Variants in LURAP1L observed in about 807,000 individuals in gnomAD.
The protein encoded by LURAP1L is leucine rich adaptor protein 1 like.
A neutral mutation model predicts 13.8 loss-of-function variants in LURAP1L; 12 were observed. The ratio of observed to expected loss-of-function variants is 0.87; its 90% CI spans 0.56 to 1.41. The LOEUF is 1.41. Ranked by LOEUF, LURAP1L falls within the 40% of genes most tolerant of loss-of-function variation. The pLI, the probability that LURAP1L is intolerant of heterozygous loss-of-function variation, is 0.00. For missense variants in LURAP1L, 375 were observed against 292.9 expected (o/e 1.28, Z -2.04); for synonymous variants, 139 against 119.2 (o/e 1.17, Z -1.08).
chr9:12,810,798 C>G (rs963120485), intron 1 of LURAP1L, among the ~76,000 whole-genome samples: 1 of 152,154 alleles, frequency 6.6e-6, no homozygotes. Context: ...TCACCACTTA[C>G]AGCTAGTGAA....
At chr9:12,780,066 G>C (rs1032293103) in intron 1 of LURAP1L, among the ~76,000 whole-genome samples, 1 of 152,206 alleles carries the variant, frequency 6.6e-6, no homozygotes, top group African/African-American at 2.4e-5. Context: ...TAATATTCAT[G>C]ATGTAGGAGT....
intron 1 of LURAP1L, among the ~76,000 whole-genome samples, chr9:12,811,848 C>T (rs745552223): frequency 3.3e-5 from 5 of 152,162 alleles, no homozygotes; most frequent in Non-Finnish European, 5.9e-5. Context: ...GCCCCTGGAT[C>T]GGGGTCTCTC....
At position 12,821,774 on chromosome 9, in the gene LURAP1L, C is replaced by A. The variant is rs777240643; in HGVS notation, c.*14C>A. 68 of 1,604,682 alleles carry A rather than the reference C, an allele frequency of 4.2e-5. No homozygotes were observed. On this transcript the variant is annotated 3_prime_UTR_variant, in exon 2 of 2. Coordinates refer to ENST00000319264, the MANE Select transcript of LURAP1L (RefSeq NM_203403.2). ...TGCTTTGGCTAGTGACAGTTTTTTG[C>A]ATGGGACTGGTGTGCAATGAACTTG...
At position 12,786,547 on chromosome 9, in the gene LURAP1L, CATATATATATATATATATAT is replaced by C. The variant is rs67654649; in HGVS notation, c.312+10536_312+10555del. On this transcript the variant is annotated intron_variant, in intron 1 of 1. Transcript: ENST00000319264. ...AAATGGCTAACATGTATATATATGA[CATATATATATATATATATAT>C]ATATATATATATATAAACCCTTGTG... Among the ~76,000 whole-genome samples the C allele has an allele frequency of 1.7e-3, 91 of 53,032 alleles. 4 individuals carry two copies. Among genetic ancestry groups the C allele is most frequent in the African/African-American group, 3.4e-3 (41 of 12,208 alleles). The allele number at this position is 53,032 out of a possible 152,430, so 34.8% of individuals were successfully genotyped here. A position where few individuals can be genotyped will look rare whatever the true frequency, so the allele number is the denominator to read the frequency against.
intron 1 of LURAP1L, among the ~76,000 whole-genome samples, chr9:12,815,829 AT>A (rs1819797710): frequency 6.6e-6 from 1 of 152,192 alleles, no homozygotes; most frequent in African/African-American, 2.4e-5. Context: ...ATTAAAGATG[AT>A]ATGCACGTTT....
chr9:12,800,147 G>T (rs1819564500), intron 1 of LURAP1L, among the ~76,000 whole-genome samples: 1 of 152,138 alleles, frequency 6.6e-6, no homozygotes, highest in Admixed American at 6.5e-5. Flanking sequence ...ATCCAACAGA[G>T]CTGCAACTTT....
At chr9:12,812,246 G>A (rs1819746778) in intron 1 of LURAP1L, among the ~76,000 whole-genome samples, 1 of 152,162 alleles carries the variant, frequency 6.6e-6, no homozygotes, top group African/African-American at 2.4e-5. Context: ...GTTATTGGGA[G>A]ATATCTTTGA....
At chr9:12,780,621 A>C (rs1451969961) in intron 1 of LURAP1L, among the ~76,000 whole-genome samples, 2 of 152,136 alleles carry the variant, frequency 1.3e-5, no homozygotes, top group Non-Finnish European at 2.9e-5. Context: ...ATCCCAAACT[A>C]TACTATATAC....
chr9:12,791,183 G>T (rs1819435884), intron 1 of LURAP1L, among the ~76,000 whole-genome samples: 1 of 152,160 alleles, frequency 6.6e-6, no homozygotes, highest in African/African-American at 2.4e-5. Context: ...GGAAGAGTAG[G>T]TTTCTTGAGT....
At chr9:12,793,139 T>C (rs1445365784) in intron 1 of LURAP1L, among the ~76,000 whole-genome samples, 1 of 152,008 alleles carries the variant, frequency 6.6e-6, no homozygotes, top group Non-Finnish European at 1.5e-5. Context: ...AAGTAGATCT[T>C]GAAATTTCCC....
intron 1 of LURAP1L, among the ~76,000 whole-genome samples, chr9:12,812,213 G>A (rs1819746195): frequency 6.6e-6 from 1 of 152,196 alleles, no homozygotes; most frequent in East Asian, 1.9e-4. Context: ...ACTACGTAAG[G>A]ATGTAGATAC....
chr9:12,815,620 C>G (rs1454255037), intron 1 of LURAP1L, among the ~76,000 whole-genome samples: 2 of 152,042 alleles, frequency 1.3e-5, no homozygotes, highest in African/African-American at 2.4e-5. Flanking sequence ...TTTTACCATA[C>G]AAATGTATAA....
chr9:12,781,854 T>C lies in LURAP1L; in HGVS notation c.312+5827T>C, dbSNP rs1819276252. Among the ~76,000 whole-genome samples the C allele has an allele frequency of 2.6e-5, 4 of 152,228 alleles. No homozygotes were observed. In the South Asian group the frequency reaches 8.3e-4, roughly 31 times the overall value. ...TCGAAACTGTTCTCCATAGTGGCTA[T>C]GCTAATGTACATTCCCACCAACAGT... On this transcript the variant is annotated intron_variant, in intron 1 of 1. Transcript: ENST00000319264.
intron 1 of LURAP1L, among the ~76,000 whole-genome samples, chr9:12,811,095 G>A (rs1819729922): frequency 1.3e-5 from 2 of 152,092 alleles, no homozygotes; most frequent in African/African-American, 2.4e-5. Context: ...ATAAACCTAA[G>A]TAACTTTTAT....
At chr9:12,804,805 G>T (rs916594087) in intron 1 of LURAP1L, among the ~76,000 whole-genome samples, 10 of 152,128 alleles carry the variant, frequency 6.6e-5, no homozygotes, top group African/African-American at 2.2e-4. Context: ...CATTAGGAAA[G>T]GTAGTCCGAG....
At chr9:12,816,992 A>C (rs987898978) in intron 1 of LURAP1L, among the ~76,000 whole-genome samples, 1 of 152,196 alleles carries the variant, frequency 6.6e-6, no homozygotes, top group African/African-American at 2.4e-5. Flanking sequence ...CAGAACACCC[A>C]TGCTGTGCTA....
At chr9:12,790,060 A>G (rs1203890034) in intron 1 of LURAP1L, among the ~76,000 whole-genome samples, 2 of 152,220 alleles carry the variant, frequency 1.3e-5, no homozygotes, top group African/African-American at 4.8e-5. Context: ...CTTATGGTAA[A>G]GTAAATTTTA....
intron 1 of LURAP1L, among the ~76,000 whole-genome samples, chr9:12,810,040 G>T (rs1819715478): frequency 6.6e-6 from 1 of 152,174 alleles, no homozygotes; most frequent in Non-Finnish European, 1.5e-5. Flanking sequence ...TTGTTGATCA[G>T]GCTTTGGTAA....
chr9:12,781,302 T>G (rs1819266759), intron 1 of LURAP1L, among the ~76,000 whole-genome samples: 1 of 152,264 alleles, frequency 6.6e-6, no homozygotes, highest in Admixed American at 6.5e-5. Flanking sequence ...TACAATAAAT[T>G]ATTGTTGACT....
Sources: gnomAD v4.1 joint callset for allele counts (sites outside exome capture counted in the v4.1 genomes callset) on GRCh38, gnomAD v4.1.1 for gene constraint, MANE v1.5 for transcripts, NCBI Gene and HGNC (gene_info 2026-07-23, HGNC 2026-07-21) for gene names.